Variants in EPHA6 observed in about 807,000 individuals in gnomAD.
EPHA6 encodes EPH receptor A6, also known as ephrin type-A receptor 6.
In EPHA6, 50 loss-of-function variants were observed where a neutral mutation model predicts 112.0. The ratio of observed to expected loss-of-function variants is 0.45; its 90% confidence interval spans 0.36 to 0.56. The LOEUF (loss-of-function observed/expected upper bound fraction) is 0.56. Among genes scored for constraint, EPHA6 ranks in the 20% least tolerant of loss-of-function variants. EPHA6 has a pLI of 0.00. For synonymous variants in EPHA6, 529 were observed against 490.7 expected, an observed-to-expected ratio of 1.08 and a Z score of -1.03; for missense variants, 1,280 against 1,417.4, an observed-to-expected ratio of 0.90 and a Z score of 1.56.
At chr3:97,542,087 T>G (rs1308167080) in intron 11 of EPHA6, among the ~76,000 whole-genome samples, 1 of 130,286 alleles carries the variant, frequency 7.7e-6, no homozygotes, top group African/African-American at 4.0e-5. Flanking sequence ...TCGCTTCATG[T>G]TTTTTTGTTT....
At chr3:97,539,520 A>C (rs2092818915) in intron 11 of EPHA6, among the ~76,000 whole-genome samples, 2 of 152,162 alleles carry the variant, frequency 1.3e-5, no homozygotes, top group African/African-American at 4.8e-5. Context: ...GTCCTGGGTC[A>C]GGTCCCTGAG....
intron 14 of EPHA6, among the ~76,000 whole-genome samples, chr3:97,650,885 T>G (rs1421174460): frequency 6.8e-6 from 1 of 146,888 alleles, no homozygotes; most frequent in Non-Finnish European, 1.5e-5. Flanking sequence ...AGGAGAGGAC[T>G]CTAAGAAATA....
At chr3:97,269,667 T>A (rs2079816584) in intron 5 of EPHA6, among the ~76,000 whole-genome samples, 1 of 152,212 alleles carries the variant, frequency 6.6e-6, no homozygotes, top group Admixed American at 6.5e-5. Flanking sequence ...CTGGAGTATG[T>A]CCTGAGCATC....
chr3:96,964,168 C>G (rs2042041647), intron 2 of EPHA6, among the ~76,000 whole-genome samples: 3 of 151,958 alleles, frequency 2.0e-5, no homozygotes, highest in South Asian at 4.1e-4. Context: ...TCAAGCAATC[C>G]AAGTATGCTC....
chr3:97,309,394 A>G (rs2081453198), intron 5 of EPHA6, among the ~76,000 whole-genome samples: 1 of 151,618 alleles, frequency 6.6e-6, no homozygotes, highest in Non-Finnish European at 1.5e-5. Flanking sequence ...TAATGATTCA[A>G]ATTTAGTAAT....
chr3:97,319,255 A>C lies in EPHA6; in HGVS notation c.1606+74968A>C, dbSNP rs182587132. Among the ~76,000 whole-genome samples, 374 of 151,674 alleles carry C rather than the reference A, an allele frequency of 2.5e-3. 2 individuals are homozygous for C. Among genetic ancestry groups the C allele is most frequent in the Admixed American group, 0.014 (214 of 15,182 alleles). On this transcript the variant is annotated intron_variant, in intron 5 of 17. Coordinates refer to ENST00000389672, the MANE Select transcript of EPHA6 (RefSeq NM_001080448.3). The stretch of plus-strand genomic sequence containing the variant: ...TTTAGTTCAATGGTAATTTTAAGAT[A>C]ATTCTAATTTTTAATATTTAATCAT...
chr3:97,108,932 T>A (rs2047643359), intron 3 of EPHA6, among the ~76,000 whole-genome samples: 1 of 152,146 alleles, frequency 6.6e-6, no homozygotes, highest in South Asian at 2.1e-4. Context: ...ATGGTGGACA[T>A]CAAATGTTGC....
intron 6 of EPHA6, among the ~76,000 whole-genome samples, chr3:97,447,480 C>T (rs773700736): frequency 5.9e-5 from 9 of 152,206 alleles, no homozygotes; most frequent in South Asian, 2.1e-4. Flanking sequence ...ACTTGAGGGC[C>T]TGTTGACCTA....
At chr3:97,224,868 T>C (rs2108541157) in intron 3 of EPHA6, among the ~76,000 whole-genome samples, 1 of 152,266 alleles carries the variant, frequency 6.6e-6, no homozygotes, top group South Asian at 2.1e-4. Flanking sequence ...TTAAATATTG[T>C]TATAGATTAA....
chr3:97,285,062 G>T (rs78091587), intron 5 of EPHA6, among the ~76,000 whole-genome samples: 4,131 of 152,124 alleles, frequency 0.027, 175 homozygotes, highest in African/African-American at 0.094. Flanking sequence ...ACCGCCATCT[G>T]ATAAACTTCT....
At chr3:97,364,668 G>A (rs554343463) in intron 5 of EPHA6, among the ~76,000 whole-genome samples, 10 of 151,904 alleles carry the variant, frequency 6.6e-5, no homozygotes, top group African/African-American at 1.9e-4. Flanking sequence ...GTAATTATTC[G>A]CCCTCAGCAA....
At chr3:97,607,184 C>CAAA (rs11437335) in intron 12 of EPHA6, among the ~76,000 whole-genome samples, 6 of 86,088 alleles carry the variant, frequency 7.0e-5, no homozygotes, top group South Asian at 8.3e-4. Context: ...TTGTCTGAGG[C>CAAA]AAAAAAAAAA....
chr3:97,571,664 A>C lies in EPHA6; in HGVS notation c.2387-20948A>C, dbSNP rs148843546. Among the ~76,000 whole-genome samples, 700 of 133,560 alleles carry C rather than the reference A, an allele frequency of 5.2e-3. 8 individuals carry two copies. The highest frequency in any genetic ancestry group is 0.023 in the African/African-American group (627 of 26,828). 87.6% of individuals were successfully genotyped at this position (133,560 alleles called of 152,430 possible). A position where few individuals can be genotyped will look rare whatever the true frequency, so the allele number is the denominator to read the frequency against. On this transcript the variant is annotated intron_variant, in intron 11 of 17. Transcript: ENST00000389672. ...CAAAAGAAAATCTTCCTTGAAACTC[A>C]TAATGAAACTCTTTCCTGTTAAATG...
chr3:97,151,608 T>A (rs551418739), intron 3 of EPHA6, among the ~76,000 whole-genome samples: 3 of 152,196 alleles, frequency 2.0e-5, no homozygotes, highest in African/African-American at 4.8e-5. Flanking sequence ...TGGGTCTTAG[T>A]GGCCCCATTT....
At chr3:97,122,891 G>A (rs549880795) in intron 3 of EPHA6, among the ~76,000 whole-genome samples, 1 of 152,008 alleles carries the variant, frequency 6.6e-6, no homozygotes, top group East Asian at 1.9e-4. Flanking sequence ...AAATAAAAGA[G>A]GTCATGAGGT....
chr3:97,362,365 T>G (rs1031089661), intron 5 of EPHA6, among the ~76,000 whole-genome samples: 5 of 152,092 alleles, frequency 3.3e-5, no homozygotes, highest in Non-Finnish European at 7.4e-5. Context: ...ACATTATAGC[T>G]CAATCTTTAT....
intron 3 of EPHA6, among the ~76,000 whole-genome samples, chr3:97,049,481 T>C (rs1484922993): frequency 1.3e-5 from 2 of 152,174 alleles, no homozygotes; most frequent in African/African-American, 4.8e-5. Context: ...CATGTTGAGT[T>C]GTAAGTGCAG....
At chr3:97,341,395 G>A (rs2083296075) in intron 5 of EPHA6, among the ~76,000 whole-genome samples, 1 of 150,356 alleles carries the variant, frequency 6.7e-6, no homozygotes, top group African/African-American at 2.5e-5. Flanking sequence ...TTGCTCTGTC[G>A]CCAGGCTGGA....
intron 2 of EPHA6, among the ~76,000 whole-genome samples, chr3:96,937,211 T>C (rs1437781747): frequency 6.6e-6 from 1 of 152,120 alleles, no homozygotes; most frequent in African/African-American, 2.4e-5. Context: ...GTTGAACTAG[T>C]TTATAGTCCC....
Sources: allele counts gnomAD v4.1 joint callset (sites outside exome capture counted in the v4.1 genomes callset), GRCh38; gene constraint gnomAD v4.1.1; transcripts MANE v1.5; gene names NCBI Gene and HGNC (gene_info 2026-07-23, HGNC 2026-07-21).